Variants in CUL4A observed in about 807,000 individuals in gnomAD.
CUL4A encodes cullin 4A, also known as cullin-4A.
Under a neutral mutation model 95.5 loss-of-function variants are expected in CUL4A, and 16 were observed. That is an observed-to-expected ratio of 0.17 (90% confidence interval 0.11 to 0.25). CUL4A has a LOEUF of 0.25. Ranked by LOEUF, CUL4A falls within the 10% of genes least tolerant of loss-of-function variation. The pLI is 1.00. For missense variants in CUL4A, 610 were observed against 937.0 expected (o/e 0.65, Z 4.56); for synonymous variants, 380 against 353.1 (o/e 1.08, Z -0.85).
intron 15 of CUL4A, among the ~76,000 whole-genome samples, chr13:113,247,650 A>G (rs1400245968): frequency 1.3e-5 from 2 of 152,130 alleles, no homozygotes; most frequent in African/African-American, 4.8e-5. Flanking sequence ...CTTGCTTCTG[A>G]GGCGTCCTAG....
At chr13:113,218,590 G>A (rs963240834) in intron 2 of CUL4A, among the ~76,000 whole-genome samples, 1 of 152,308 alleles carries the variant, frequency 6.6e-6, no homozygotes, top group Admixed American at 6.5e-5. Flanking sequence ...CGGAGCACCC[G>A]GAAACAGGCC....
At position 113,254,781 on chromosome 13, in the gene CUL4A, A is replaced by C; in HGVS notation, c.1841A>C (p.Lys614Thr). 1 of 1,613,664 alleles carries C rather than the reference A, an allele frequency of 6.2e-7. No homozygotes were observed. Among genetic ancestry groups the C allele is most frequent in the Non-Finnish European group, 8.5e-7 (1 of 1,179,836 alleles). The part of the protein sequence containing the change: ...EGDGFSFEEI[K>T]MATGIEDSEL... ...GATGGCTTCAGCTTTGAGGAGATAA[A>C]AATGGCCACGGGGATAGGTACGAAA... The change falls in exon 17 of 20, where the codon AAA (lysine) becomes ACA (threonine). Residue 614 changes from lysine to threonine, a missense_variant. Around this residue, in one of 10 missense-constraint regions of CUL4A, gnomAD observed 72 missense variants for 93.2 expected, o/e 0.77. Coordinates refer to ENST00000375440, the MANE Select transcript of CUL4A (RefSeq NM_001008895.4).
At chr13:113,247,440 T>G (rs963154622) in intron 15 of CUL4A, among the ~76,000 whole-genome samples, 1 of 152,326 alleles carries the variant, frequency 6.6e-6, no homozygotes, top group East Asian at 1.9e-4. Context: ...AAGAGTCTTA[T>G]GACTTAACTA....
rs1483480545 is a variant in CUL4A at position 113,264,025 on chromosome 13, A to C, written c.*443A>C. 3 of 153,296 alleles carry C rather than the reference A, an allele frequency of 2.0e-5. No homozygotes were observed. Among genetic ancestry groups the C allele is most frequent in the Non-Finnish European group, 4.4e-5 (3 of 68,524 alleles). The allele number at this position is 153,296 out of a possible 1,614,324, so 9.5% of individuals were successfully genotyped here. On this transcript the variant is annotated 3_prime_UTR_variant, in exon 20 of 20. Coordinates refer to ENST00000375440, the MANE Select transcript of CUL4A (RefSeq NM_001008895.4). Reference sequence around the variant, plus strand: ...CTGAAGACAGCTCGCTCAGATGATCAGCATTTAGAGTGAAAACAAGGGCCC... The same window carrying C: ...CTGAAGACAGCTCGCTCAGATGATCCGCATTTAGAGTGAAAACAAGGGCCC...
chr13:113,208,652 G>C (rs375308286), upstream of CUL4A: 290 of 1,604,350 alleles, frequency 1.8e-4, no homozygotes, highest in Non-Finnish European at 2.2e-4. Context: ...CCGCCGAACG[G>C]AGAGCGCCAC....
chr13:113,212,199 A>C (rs1595339727), intron 2 of CUL4A, among the ~76,000 whole-genome samples: 1 of 152,244 alleles, frequency 6.6e-6, no homozygotes. Context: ...TATTCTGGAT[A>C]CAAGTCCTGT....
At chr13:113,230,940 T>G (rs1464112069) in intron 5 of CUL4A, among the ~76,000 whole-genome samples, 1 of 151,836 alleles carries the variant, frequency 6.6e-6, no homozygotes, top group Admixed American at 6.6e-5. Flanking sequence ...TCGACTAACT[T>G]CTAAAAATTT....
Position 113,210,016 on chromosome 13 carries a change from G to A in CUL4A, c.192G>A (p.Arg64=). 2 of 1,525,120 alleles carry A rather than the reference G, an allele frequency of 1.3e-6. No homozygotes were observed. The highest frequency in any genetic ancestry group is 8.8e-7 in the Non-Finnish European group (1 of 1,137,130). 94.5% of individuals were successfully genotyped at this position (1,525,120 alleles called of 1,614,324 possible). Residue 64 remains arginine (R), a synonymous_variant, in exon 2 of 20, where the codon CGG becomes CGA. Transcript: ENST00000375440. ...ACAACTACACGCAGGACACGTGGCGGAAGCTGCACGAGGCGGTGCGGGCCG... is the reference window on the plus strand; with the variant it reads ...ACAACTACACGCAGGACACGTGGCGAAAGCTGCACGAGGCGGTGCGGGCCG... The part of the protein sequence containing the change: ...LPDNYTQDTW[R]KLHEAVRAVQ...
At chr13:113,246,590 TC>T (rs1377386922) in intron 15 of CUL4A, among the ~76,000 whole-genome samples, 1 of 152,164 alleles carries the variant, frequency 6.6e-6, no homozygotes, top group Non-Finnish European at 1.5e-5. Flanking sequence ...ATGGAAGACT[TC>T]CTGGAAAAGG....
chr13:113,253,777 ATTAT>A (rs1444384395), intron 16 of CUL4A, among the ~76,000 whole-genome samples: 5 of 152,196 alleles, frequency 3.3e-5, no homozygotes, highest in African/African-American at 9.6e-5. Context: ...ATTATGAGCG[ATTAT>A]TTAAGAGGGG....
chr13:113,259,128 TGATTTTCTTG>T (rs2042205976), intron 18 of CUL4A, among the ~76,000 whole-genome samples: 1 of 152,268 alleles, frequency 6.6e-6, no homozygotes, highest in African/African-American at 2.4e-5. Flanking sequence ...GTTTTTCTGT[TGATTTTCTTG>T]GATTTTCCAG....
chr13:113,234,723 C>T (rs1489110630), intron 7 of CUL4A, among the ~76,000 whole-genome samples: 2 of 152,202 alleles, frequency 1.3e-5, no homozygotes, highest in Non-Finnish European at 2.9e-5. Flanking sequence ...TGCCATTTAG[C>T]ACCTCATCCT....
chr13:113,261,775 C>CAG (rs34525536), intron 19 of CUL4A, among the ~76,000 whole-genome samples: 145,715 of 151,424 alleles, frequency 0.96, 70,351 homozygotes, highest in East Asian at 1. Context: ...GCTCTGCTCT[C>CAG]GGGTAGTTGG....
intron 5 of CUL4A, chr13:113,229,770 A>G: frequency 2.0e-6 from 1 of 504,530 alleles, no homozygotes; most frequent in Admixed American, 3.7e-5. Context: ...GAGGGTGAAG[A>G]CAGAGGGTCT....
chr13:113,233,863 C>T, intron 6 of CUL4A, 34 bp from the exon 7 acceptor site: 2 of 1,155,896 alleles, frequency 1.7e-6, no homozygotes, highest in South Asian at 1.2e-5. Context: ...GTTTCCTTTA[C>T]TGAAATTGGT....
chr13:113,218,419 T>G (rs1001136928), intron 2 of CUL4A, among the ~76,000 whole-genome samples: 2 of 151,452 alleles, frequency 1.3e-5, no homozygotes, highest in Non-Finnish European at 2.9e-5. Context: ...CCCTGGGGAG[T>G]GTGAGGGGAA....
Position 113,233,265 on chromosome 13 carries a change from G to A in CUL4A, c.601G>A (p.Glu201Lys), listed in dbSNP as rs144303533. ...KTIDGILLLI[E>K]RERSGEAVDR... ...CATTGATGGAATCCTACTGCTGATC[G>A]AGCGCGAGAGGAGCGGCGAGGCCGT... The change falls in exon 6 of 20, where the codon GAG (glutamate) becomes AAG (lysine). Residue 201 changes from glutamate to lysine, a missense_variant. Physicochemically the swap from Glu to Lys is moderately conservative, Grantham distance 56. Around this residue, in one of 10 missense-constraint regions of CUL4A, gnomAD observed 97 missense variants for 100.3 expected, o/e 0.97. Coordinates refer to ENST00000375440, the MANE Select transcript of CUL4A (RefSeq NM_001008895.4). 3.2e-5 allele frequency: 52 copies of A among 1,613,904 alleles called. No individual in the cohort carries two copies. Among genetic ancestry groups the A allele is most frequent in the African/African-American group, 6.7e-5 (5 of 74,942 alleles).
At chr13:113,255,513 C>A (rs2042098710) in intron 18 of CUL4A, among the ~76,000 whole-genome samples, 1 of 152,100 alleles carries the variant, frequency 6.6e-6, no homozygotes, top group African/African-American at 2.4e-5. Flanking sequence ...ATTATAGGAT[C>A]ATACAGGACA....
intron 2 of CUL4A, among the ~76,000 whole-genome samples, chr13:113,215,406 AG>A (rs1427521801): frequency 1.1e-4 from 16 of 145,270 alleles, no homozygotes; most frequent in Non-Finnish European, 1.5e-5. Flanking sequence ...GTGACTATGG[AG>A]GTCACGTCCC....
Sources: allele counts gnomAD v4.1 joint callset (sites outside exome capture counted in the v4.1 genomes callset), GRCh38; gene constraint gnomAD v4.1.1; regional missense constraint gnomAD v4.1.1; transcripts MANE v1.5; gene names NCBI Gene and HGNC (gene_info 2026-07-23, HGNC 2026-07-21).